Variants in SMARCA2 observed in about 807,000 individuals in gnomAD.
SMARCA2 encodes the protein SWI/SNF related BAF chromatin remodeling complex subunit ATPase 2.
SMARCA2 carries 61 observed loss-of-function variants against 199.8 expected under a neutral mutation model. The observed-to-expected ratio is 0.31, with a 90% CI of 0.25 to 0.38. The LOEUF is 0.38. Among genes scored for constraint, SMARCA2 ranks in the 10% least tolerant of loss-of-function variants. The pLI is 1.00. For missense variants in SMARCA2, 1,344 were observed against 2,012.2 expected, an observed-to-expected ratio of 0.67 and a Z score of 6.35; for synonymous variants, 935 against 732.0, an observed-to-expected ratio of 1.28 and a Z score of -4.48.
chr9:2,076,613 T>A (rs1011541641), intron 13 of SMARCA2, among the ~76,000 whole-genome samples: 4 of 151,666 alleles, frequency 2.6e-5, no homozygotes, highest in Non-Finnish European at 5.9e-5. Context: ...GGCTCACTCC[T>A]GAGCCTCACA....
intron 26 of SMARCA2, among the ~76,000 whole-genome samples, chr9:2,121,839 C>T (rs1823474830): frequency 6.6e-6 from 1 of 152,166 alleles, no homozygotes; most frequent in South Asian, 2.1e-4. Flanking sequence ...AGATAAGTAT[C>T]TGAGACATTT....
At chr9:2,095,452 A>G (rs1307530650) in intron 19 of SMARCA2, among the ~76,000 whole-genome samples, 1 of 152,238 alleles carries the variant, frequency 6.6e-6, no homozygotes, top group Non-Finnish European at 1.5e-5. Flanking sequence ...TCAGTTATCT[A>G]AAACACAAAG....
intron 1 of SMARCA2, among the ~76,000 whole-genome samples, chr9:2,026,793 G>T (rs1292164817): frequency 2.6e-5 from 4 of 152,162 alleles, no homozygotes; most frequent in African/African-American, 4.8e-5. Context: ...ATCGACGTCA[G>T]CTTCCTAAAT....
chr9:2,081,119 T>C (rs973100361), intron 14 of SMARCA2, among the ~76,000 whole-genome samples: 2 of 152,240 alleles, frequency 1.3e-5, no homozygotes, highest in Admixed American at 6.5e-5. Flanking sequence ...TGTGGTATGA[T>C]GGTGGAAGGG....
At chr9:2,131,828 T>G (rs992826241) in intron 27 of SMARCA2, among the ~76,000 whole-genome samples, 1 of 151,166 alleles carries the variant, frequency 6.6e-6, no homozygotes, top group African/African-American at 2.4e-5. Flanking sequence ...TAATCCCAGC[T>G]ACTCGGGAGG....
In SMARCA2 at chr9:2,033,038, A is replaced by G. The variant is rs564889539; in HGVS notation, c.312A>G (p.Pro104=). The part of the protein sequence containing the change: ...MKGTGMRPPH[P]GMGPPQSPMD... ...GCACTGGTATGCGACCACCTCACCCAGGCATGGGCCCTCCCCAGAGTCCAA... is the reference window on the plus strand; with the variant it reads ...GCACTGGTATGCGACCACCTCACCCGGGCATGGGCCCTCCCCAGAGTCCAA... Residue 104 remains proline (P), a synonymous_variant, in exon 3 of 34, where the codon CCA becomes CCG. Coordinates refer to ENST00000349721, the MANE Select transcript of SMARCA2 (RefSeq NM_003070.5). 7 of 1,614,096 alleles carry G rather than the reference A, an allele frequency of 4.3e-6. No homozygotes were observed. Among genetic ancestry groups the G allele is most frequent in the South Asian group, 1.1e-5 (1 of 91,090 alleles).
chr9:2,191,509 A>G, intron 33 of SMARCA2, 101 bp downstream of exon 33: 9 of 1,264,018 alleles, frequency 7.1e-6, no homozygotes, highest in Non-Finnish European at 9.0e-6. Context: ...TTTATTACCC[A>G]GGACTGGAAA....
intron 32 of SMARCA2, among the ~76,000 whole-genome samples, chr9:2,187,115 GA>G (rs1212296698): frequency 6.7e-6 from 1 of 149,256 alleles, no homozygotes; most frequent in Non-Finnish European, 1.5e-5. Flanking sequence ...ATTTTGCATA[GA>G]ATTTTTTTTT....
intron 12 of SMARCA2, among the ~76,000 whole-genome samples, chr9:2,074,606 C>T (rs576716432): frequency 1.3e-5 from 2 of 152,316 alleles, no homozygotes; most frequent in East Asian, 1.9e-4. Flanking sequence ...GTGACTCATG[C>T]CTATAATCCC....
rs985308363 is a variant in SMARCA2 at position 2,110,627 on chromosome 9, G to C, written c.3456+210G>C. On this transcript the variant is annotated intron_variant, in intron 24 of 33. Transcript: ENST00000349721. This position sits in a 1 kb window ranked among gnomAD's most constrained non-coding sequence, Gnocchi z 4.8. ...TGCCTTTGAAGAGCTGAAGTTTGAG[G>C]TAGAAAAACTTAGTTTCTCCTTAGT... 2.6e-5 allele frequency among the ~76,000 whole-genome samples: 4 copies of C among 152,206 alleles called. No individual in the cohort carries two copies. Among genetic ancestry groups the C allele is most frequent in the African/African-American group, 9.6e-5 (4 of 41,454 alleles).
rs1040190387 is a variant in SMARCA2, at chr9:2,123,259, A to T, written c.3763-460A>T. Among the ~76,000 whole-genome samples, 2 of 150,972 alleles carry T rather than the reference A, an allele frequency of 1.3e-5. No individual in the cohort carries two copies. Among genetic ancestry groups the T allele is most frequent in the Admixed American group, 6.6e-5 (1 of 15,170 alleles). On this transcript the variant is annotated intron_variant, in intron 26 of 33. Transcript: ENST00000349721. The surrounding 1 kb of genome is among the most constrained non-coding windows in gnomAD (Gnocchi z 4.1). ...GGTCCCCCTTTTTTTTTTATTGCTG[A>T]TTGTTTAGTTCAAAGCACAAGCCCT...
chr9:2,047,732 A>T, intron 5 of SMARCA2: 1 of 286,534 alleles, frequency 3.5e-6, no homozygotes, highest in Non-Finnish European at 6.3e-6. Flanking sequence ...CGACTGTGGA[A>T]TACACTGTCC....
rs113841957 is a variant in SMARCA2 at position 2,169,418 on chromosome 9, C to CT, written c.4200-992dup. The stretch of plus-strand genomic sequence containing the variant: ...AGTCTGAACCTTCGGATCTTCCCAA[C>CT]TTTTTTTTTCCAACGCACCCCTCCC... On this transcript the variant is annotated intron_variant, in intron 28 of 33. Transcript: ENST00000349721. The surrounding 1 kb of genome is among the most constrained non-coding windows in gnomAD (Gnocchi z 6.5). Among the ~76,000 whole-genome samples the CT allele has an allele frequency of 5.6e-4, 85 of 151,944 alleles. No individual in the cohort carries two copies. The highest frequency in any genetic ancestry group is 1.4e-3 in the African/African-American group (60 of 41,454).
At chr9:2,149,533 A>G (rs192705640) in intron 27 of SMARCA2, among the ~76,000 whole-genome samples, 21 of 151,572 alleles carry the variant, frequency 1.4e-4, no homozygotes, top group South Asian at 2.1e-4. Context: ...ACAACAACGA[A>G]AAAGGAAACC....
rs1401515222 is a variant in SMARCA2, at chr9:2,016,787, C to A, written c.-37+1383C>A. 6.6e-6 allele frequency among the ~76,000 whole-genome samples: 1 copy of A among 152,186 alleles called. No individual in the cohort carries two copies. Among genetic ancestry groups the A allele is most frequent in the African/African-American group, 2.4e-5 (1 of 41,452 alleles). ...TCAGGAGTTTGCTTTATTCCCATCCCAACCTGGTTTACCCCTTCCTTTGCT... is the reference window on the plus strand; with the variant it reads ...TCAGGAGTTTGCTTTATTCCCATCCAAACCTGGTTTACCCCTTCCTTTGCT... On this transcript the variant is annotated intron_variant, in intron 1 of 33. Transcript: ENST00000349721. This position sits in a 1 kb window ranked among gnomAD's most constrained non-coding sequence, Gnocchi z 5.6.
At chr9:2,148,071 T>A (rs2130709639) in intron 27 of SMARCA2, among the ~76,000 whole-genome samples, 1 of 151,830 alleles carries the variant, frequency 6.6e-6, no homozygotes, top group African/African-American at 2.4e-5. Flanking sequence ...AGTCTAGCCC[T>A]CACCAAATTC....
chr9:2,076,574 C>G (rs144090779), intron 13 of SMARCA2, among the ~76,000 whole-genome samples: 98 of 151,910 alleles, frequency 6.5e-4, no homozygotes, highest in African/African-American at 2.3e-3. Flanking sequence ...CCTTACCCTT[C>G]TCTCTCCTTA....
At chr9:2,099,673 A>G (rs1045828082) in intron 21 of SMARCA2, among the ~76,000 whole-genome samples, 14 of 152,168 alleles carry the variant, frequency 9.2e-5, no homozygotes, top group African/African-American at 1.4e-4. Flanking sequence ...TGGCAAATCT[A>G]TTGACAACTA....
At chr9:2,023,314 G>A (rs1225585497) in intron 1 of SMARCA2, among the ~76,000 whole-genome samples, 6 of 152,112 alleles carry the variant, frequency 3.9e-5, no homozygotes, top group African/African-American at 1.4e-4. Context: ...TTAAAGTGAG[G>A]GTAGCAGCTC....
Sources: gnomAD v4.1 joint callset for allele counts (sites outside exome capture counted in the v4.1 genomes callset) on GRCh38, gnomAD v4.1.1 for gene constraint, Gnocchi (gnomAD v3.1) non-coding constraint, MANE v1.5 for transcripts, NCBI Gene and HGNC (gene_info 2026-07-23, HGNC 2026-07-21) for gene names.